Variants in CA10 observed in about 807,000 individuals in gnomAD.
CA10 encodes carbonic anhydrase 10 (inactive).
Under a neutral mutation model 44.2 loss-of-function variants are expected in CA10, and 14 were observed. The observed-to-expected ratio is 0.32, with a 90% CI of 0.21 to 0.50. The LOEUF is 0.50. Among genes scored for constraint, CA10 ranks in the 20% least tolerant of loss-of-function variants. The probability of loss-of-function intolerance (pLI) is 0.99; values close to 1 mark genes in which losing one functional copy is unlikely to be tolerated. For synonymous variants in CA10, 159 were observed against 141.6 expected, an observed-to-expected ratio of 1.12 and a Z score of -0.87; for missense variants, 350 against 409.7, an observed-to-expected ratio of 0.85 and a Z score of 1.26.
At chr17:51,762,015 A>C (rs1427100107) in intron 3 of CA10, 1 of 152,194 alleles carries the variant, frequency 6.6e-6, no homozygotes, top group South Asian at 2.1e-4. Context: ...TAGATATACT[A>C]ATAATAATAA....
intron 6 of CA10, among the ~76,000 whole-genome samples, chr17:51,644,153 T>A (rs574073095): frequency 1.4e-5 from 2 of 142,690 alleles, no homozygotes; most frequent in Admixed American, 1.5e-4. Context: ...CTCAAAAGAA[T>A]GATTTTGCAC....
chr17:51,694,176 C>T (rs1198977170), intron 4 of CA10, among the ~76,000 whole-genome samples: 1 of 151,690 alleles, frequency 6.6e-6, no homozygotes, highest in Non-Finnish European at 1.5e-5. Flanking sequence ...TGCACTCCAG[C>T]CTGGGCAACA....
intron 2 of CA10, among the ~76,000 whole-genome samples, chr17:52,052,303 A>ATT (rs757680345): frequency 0.55 from 65,789 of 119,588 alleles, 15,344 homozygotes; most frequent in African/African-American, 0.66. Context: ...TTTTTTTAAA[A>ATT]AAAAAAAAAA....
intron 2 of CA10, among the ~76,000 whole-genome samples, chr17:52,015,873 T>A (rs1985952748): frequency 6.6e-6 from 1 of 152,120 alleles, no homozygotes; most frequent in African/African-American, 2.4e-5. Context: ...TGCTTTTTAT[T>A]TAAACAAATC....
At chr17:51,847,472 C>T (rs990642823) in intron 3 of CA10, among the ~76,000 whole-genome samples, 1 of 152,108 alleles carries the variant, frequency 6.6e-6, no homozygotes, top group Non-Finnish European at 1.5e-5. Context: ...AGTACAGTCT[C>T]CCCAACTTTT....
Position 51,635,925 on chromosome 17 carries a change from G to C in CA10, c.719C>G (p.Thr240Ser), listed in dbSNP as rs1363652442. ...SSFITYDGSMTIPPCYETASW... is the reference protein window; with the variant it reads ...SSFITYDGSMSIPPCYETASW... ...TGCTGTCTCATAGCAGGGTGGGATAGTCATCGACCCATCGTAAGTGATGAA... is the reference window on the plus strand; with the variant it reads ...TGCTGTCTCATAGCAGGGTGGGATACTCATCGACCCATCGTAAGTGATGAA... The change falls in exon 7 of 9, where the codon ACT becomes AGT. Residue 240 changes from threonine (T) to serine (S), a missense_variant. Transcript: ENST00000451037. The C allele has an allele frequency of 6.2e-6, 10 of 1,610,076 alleles. No homozygotes were observed. Among genetic ancestry groups the C allele is most frequent in the Non-Finnish European group, 8.5e-6 (10 of 1,177,192 alleles).
chr17:51,997,149 T>C (rs1473113173), intron 2 of CA10, among the ~76,000 whole-genome samples: 1 of 152,090 alleles, frequency 6.6e-6, no homozygotes, highest in East Asian at 1.9e-4. Flanking sequence ...TCAATCCAGA[T>C]TGATCCCCGC....
chr17:51,823,058 C>T (rs1711675366), intron 3 of CA10, among the ~76,000 whole-genome samples: 1 of 152,162 alleles, frequency 6.6e-6, no homozygotes, highest in African/African-American at 2.4e-5. Context: ...CCTTTTCTAA[C>T]CTGGGCAGCG....
chr17:51,883,986 A>G (rs1192970883), intron 3 of CA10, among the ~76,000 whole-genome samples: 1 of 152,178 alleles, frequency 6.6e-6, no homozygotes, highest in African/African-American at 2.4e-5. Context: ...CAAAATGATA[A>G]AGGATAACTT....
chr17:51,846,083 C>T (rs1162094121), intron 3 of CA10, among the ~76,000 whole-genome samples: 2 of 152,242 alleles, frequency 1.3e-5, no homozygotes, highest in Non-Finnish European at 2.9e-5. Context: ...GAGGATACCT[C>T]ACCATGGAGC....
intron 1 of CA10, among the ~76,000 whole-genome samples, chr17:52,143,318 GA>G (rs1989520110): frequency 6.6e-6 from 1 of 152,032 alleles, no homozygotes; most frequent in Non-Finnish European, 1.5e-5. Flanking sequence ...ACAATAATGT[GA>G]TATAATTTTA....
chr17:51,654,851 C>T (rs1018295362), intron 4 of CA10, among the ~76,000 whole-genome samples: 25 of 152,010 alleles, frequency 1.6e-4, no homozygotes, highest in African/African-American at 3.9e-4. Context: ...CCACTGCGCC[C>T]GGCCAGAAGC....
chr17:51,764,407 C>G (rs1050451425), intron 3 of CA10, among the ~76,000 whole-genome samples: 1 of 152,170 alleles, frequency 6.6e-6, no homozygotes, highest in Non-Finnish European at 1.5e-5. Context: ...ATTATCTGCC[C>G]CCATGTCCCA....
chr17:51,804,458 T>C (rs1907054190), intron 3 of CA10, among the ~76,000 whole-genome samples: 1 of 152,200 alleles, frequency 6.6e-6, no homozygotes, highest in Non-Finnish European at 1.5e-5. Flanking sequence ...GACTCTCCTT[T>C]TATTTATTGG....
intron 2 of CA10, among the ~76,000 whole-genome samples, chr17:51,993,854 A>G (rs1433683627): frequency 6.6e-6 from 1 of 151,932 alleles, no homozygotes; most frequent in Non-Finnish European, 1.5e-5. Context: ...AATTACTTTT[A>G]TTGATAAATT....
At chr17:51,873,896 T>C (rs1979931007) in intron 3 of CA10, among the ~76,000 whole-genome samples, 1 of 152,212 alleles carries the variant, frequency 6.6e-6, no homozygotes, top group South Asian at 2.1e-4. Flanking sequence ...AGACCCTGAT[T>C]GATAAGCAGT....
At chr17:51,913,670 C>T (rs1046394918) in intron 3 of CA10, among the ~76,000 whole-genome samples, 4 of 151,322 alleles carry the variant, frequency 2.6e-5, no homozygotes, top group African/African-American at 9.7e-5. Context: ...GACCGCACCT[C>T]CCCAAGCACC....
intron 2 of CA10, among the ~76,000 whole-genome samples, chr17:52,058,247 A>C (rs989227): frequency 6.6e-6 from 1 of 152,146 alleles, no homozygotes; most frequent in Non-Finnish European, 1.5e-5. Context: ...TTGCTTTTAT[A>C]CAACTTTAAA....
intron 2 of CA10, among the ~76,000 whole-genome samples, chr17:51,986,263 C>G: frequency 6.6e-6 from 1 of 151,986 alleles, no homozygotes; most frequent in South Asian, 2.1e-4. Flanking sequence ...GAAAGAACAC[C>G]CTATTCAACA....
Sources: gnomAD v4.1 joint callset for allele counts (sites outside exome capture counted in the v4.1 genomes callset) on GRCh38, gnomAD v4.1.1 for gene constraint, MANE v1.5 for transcripts, NCBI Gene and HGNC (gene_info 2026-07-23, HGNC 2026-07-21) for gene names.